Variants in CACNA2D1 observed in about 807,000 individuals in gnomAD.
CACNA2D1 encodes calcium voltage-gated channel auxiliary subunit alpha2delta 1, also known as voltage-dependent calcium channel subunit alpha-2/delta-1.
A neutral mutation model predicts 171.5 loss-of-function variants in CACNA2D1; 53 were observed. That is an observed-to-expected ratio of 0.31 (90% CI 0.25 to 0.39). The LOEUF (loss-of-function observed/expected upper bound fraction) is 0.39, where lower values mean the gene tolerates loss of function less well. Among genes scored for constraint, CACNA2D1 ranks in the 10% least tolerant of loss-of-function variants. The pLI is 1.00. For synonymous variants in CACNA2D1, 442 were observed against 443.1 expected, an observed-to-expected ratio of 1.00 and a Z score of 0.03; for missense variants, 903 against 1,299.8, an observed-to-expected ratio of 0.69 and a Z score of 4.69.
chr7:82,353,302 A>G (rs1820058814), intron 1 of CACNA2D1, among the ~76,000 whole-genome samples: 1 of 152,148 alleles, frequency 6.6e-6, no homozygotes, highest in Admixed American at 6.6e-5. Flanking sequence ...ATATGGGATG[A>G]TTAGGGAGTT....
chr7:82,230,751 T>C (rs1041703928), intron 3 of CACNA2D1, among the ~76,000 whole-genome samples: 1 of 152,220 alleles, frequency 6.6e-6, no homozygotes, highest in Non-Finnish European at 1.5e-5. Flanking sequence ...CAGACTATCT[T>C]ATGTAAAAGG....
intron 3 of CACNA2D1, among the ~76,000 whole-genome samples, chr7:82,323,205 A>G (rs1295499386): frequency 6.6e-6 from 1 of 151,972 alleles, no homozygotes; most frequent in African/African-American, 2.4e-5. Context: ...CACCCAAAAC[A>G]CTATTAACTA....
At chr7:82,376,193 C>A (rs1822999099) in intron 1 of CACNA2D1, among the ~76,000 whole-genome samples, 1 of 152,140 alleles carries the variant, frequency 6.6e-6, no homozygotes, top group Non-Finnish European at 1.5e-5. Flanking sequence ...TTACTAGGAG[C>A]TTTTAATGGA....
intron 3 of CACNA2D1, among the ~76,000 whole-genome samples, chr7:82,202,681 G>T (rs1799584442): frequency 6.6e-6 from 1 of 152,144 alleles, no homozygotes; most frequent in Non-Finnish European, 1.5e-5. Context: ...TGGGCACCTG[G>T]AGGCCTGGCT....
At chr7:82,237,177 AT>A (rs1426672236) in intron 3 of CACNA2D1, among the ~76,000 whole-genome samples, 1 of 151,970 alleles carries the variant, frequency 6.6e-6, no homozygotes, top group Admixed American at 6.6e-5. Context: ...CCAGAAAAAA[AT>A]ATGTTCTAAA....
intron 8 of CACNA2D1, 81 bp from the exon 9 acceptor site, chr7:82,064,435 C>T: frequency 2.8e-6 from 3 of 1,070,122 alleles, no homozygotes; most frequent in Non-Finnish European, 4.3e-6. Flanking sequence ...TTTACTGACT[C>T]TGAGACAAGG....
chr7:81,993,903 A>C (rs1248826978), intron 20 of CACNA2D1, among the ~76,000 whole-genome samples: 1 of 152,130 alleles, frequency 6.6e-6, no homozygotes, highest in East Asian at 1.9e-4. Flanking sequence ...AAGAATGTGC[A>C]AAAGTCTAAG....
intron 13 of CACNA2D1, 64 bp from the exon 14 acceptor site, chr7:82,013,574 T>C: frequency 1.8e-6 from 1 of 557,106 alleles, no homozygotes; most frequent in Admixed American, 4.5e-5. Context: ...CACAAAATTA[T>C]TTTATTTTAT....
intron 1 of CACNA2D1, among the ~76,000 whole-genome samples, chr7:82,417,805 A>G (rs1173532350): frequency 6.6e-6 from 1 of 152,180 alleles, no homozygotes; most frequent in African/African-American, 2.4e-5. Flanking sequence ...AATATTGAGT[A>G]CCTATAAAAA....
intron 3 of CACNA2D1, among the ~76,000 whole-genome samples, chr7:82,304,350 CA>C (rs57228879): frequency 0.014 from 1,692 of 122,296 alleles, 8 homozygotes; most frequent in South Asian, 0.054. Context: ...GATATTAATC[CA>C]AAAAAAAAAA....
intron 3 of CACNA2D1, among the ~76,000 whole-genome samples, chr7:82,171,492 G>A (rs7798516): frequency 0.064 from 9,764 of 152,106 alleles, 656 homozygotes; most frequent in African/African-American, 0.17. Flanking sequence ...TACTAGCTGT[G>A]CAACCTTGGG....
At chr7:81,955,911 G>C (rs868597692) in intron 38 of CACNA2D1, among the ~76,000 whole-genome samples, 1 of 19,746 alleles carries the variant, frequency 5.1e-5, no homozygotes. Flanking sequence ...TTGGTGGGGG[G>C]GGGGGGGGGT....
intron 10 of CACNA2D1, among the ~76,000 whole-genome samples, chr7:82,059,716 A>C (rs1806369681): frequency 6.6e-6 from 1 of 151,860 alleles, no homozygotes; most frequent in African/African-American, 2.4e-5. Flanking sequence ...ACGCGGCACT[A>C]TTCACAATAG....
intron 3 of CACNA2D1, among the ~76,000 whole-genome samples, chr7:82,228,348 C>A (rs1802568850): frequency 6.6e-6 from 1 of 152,076 alleles, no homozygotes; most frequent in Non-Finnish European, 1.5e-5. Flanking sequence ...CTGGTGAGAC[C>A]TTGAGCCGAA....
chr7:82,136,146 T>C (rs887560493), intron 5 of CACNA2D1, among the ~76,000 whole-genome samples: 3 of 152,180 alleles, frequency 2.0e-5, no homozygotes, highest in Non-Finnish European at 4.4e-5. Context: ...AAAAGTCATA[T>C]GGAGCAACTA....
intron 18 of CACNA2D1, chr7:82,001,793 G>A (rs936758614): frequency 2.0e-5 from 9 of 449,620 alleles, no homozygotes; most frequent in South Asian, 8.7e-5. Context: ...ATCAATTTTC[G>A]TCAGATATTT....
At chr7:82,432,354 C>T (rs1218337350) in intron 1 of CACNA2D1, among the ~76,000 whole-genome samples, 1 of 152,244 alleles carries the variant, frequency 6.6e-6, no homozygotes, top group Non-Finnish European at 1.5e-5. Flanking sequence ...CTTAGATCCA[C>T]TGGCATTTGC....
At chr7:82,151,517 A>G (rs1338053522) in intron 4 of CACNA2D1, among the ~76,000 whole-genome samples, 1 of 152,172 alleles carries the variant, frequency 6.6e-6, no homozygotes, top group Non-Finnish European at 1.5e-5. Context: ...TTAGGCAAAG[A>G]ATTCCAAATT....
intron 30 of CACNA2D1, 25 bp from the exon 31 acceptor site, chr7:81,967,232 A>AC (rs1447868470): frequency 1.9e-6 from 3 of 1,592,722 alleles, no homozygotes; most frequent in Non-Finnish European, 2.6e-6. Flanking sequence ...TGCGATTATC[A>AC]CCTCACTTTT....
Sources: gnomAD v4.1 joint callset for allele counts (sites outside exome capture counted in the v4.1 genomes callset) on GRCh38, gnomAD v4.1.1 for gene constraint, MANE v1.5 for transcripts, NCBI Gene and HGNC (gene_info 2026-07-23, HGNC 2026-07-21) for gene names.